Variants in GPHN observed in about 807,000 individuals in gnomAD.
GPHN encodes gephyrin.
In GPHN, 17 loss-of-function variants were observed where a neutral mutation model predicts 95.5. That is an observed-to-expected ratio of 0.18 (90% CI 0.12 to 0.27). The LOEUF (loss-of-function observed/expected upper bound fraction) is 0.27, where lower values mean the gene tolerates loss of function less well. GPHN is among the 10% of genes least tolerant of loss of function. GPHN has a pLI of 1.00. For synonymous variants in GPHN, 320 were observed against 322.5 expected, an observed-to-expected ratio of 0.99 and a Z score of 0.08; for missense variants, 660 against 978.1, an observed-to-expected ratio of 0.67 and a Z score of 4.34.
chr14:66,542,016 C>A (rs2059371182), intron 1 of GPHN, among the ~76,000 whole-genome samples: 1 of 152,106 alleles, frequency 6.6e-6, no homozygotes, highest in African/African-American at 2.4e-5. Flanking sequence ...TCTCTTCTGT[C>A]CAACTTAAAT....
intron 1 of GPHN, among the ~76,000 whole-genome samples, chr14:66,617,698 T>G (rs1362683900): frequency 6.6e-6 from 1 of 152,218 alleles, no homozygotes; most frequent in Non-Finnish European, 1.5e-5. Context: ...TTTTCCTAGG[T>G]CGCTGAGAGT....
chr14:66,815,708 A>G (rs1015875916), intron 3 of GPHN, among the ~76,000 whole-genome samples: 1 of 152,324 alleles, frequency 6.6e-6, no homozygotes, highest in South Asian at 2.1e-4. Context: ...CTACAAAAAC[A>G]CATTGAAGTC....
chr14:66,586,462 G>A (rs2061424760), intron 1 of GPHN, among the ~76,000 whole-genome samples: 1 of 152,138 alleles, frequency 6.6e-6, no homozygotes, highest in South Asian at 2.1e-4. Context: ...CTCGTTAGTT[G>A]ATGCAGTTTC....
intron 1 of GPHN, among the ~76,000 whole-genome samples, chr14:66,529,765 A>G (rs2058837295): frequency 3.3e-5 from 5 of 152,164 alleles, no homozygotes. Flanking sequence ...GGTCCACTCC[A>G]GACCCTCTTT....
At chr14:67,375,790 AGACT>A in the GPHN span, among the ~76,000 whole-genome samples, 1 of 152,206 alleles carries the variant, frequency 6.6e-6, no homozygotes, top group South Asian at 2.1e-4. Context: ...TTAGAAATAC[AGACT>A]CTCAGGTCCT....
At chr14:67,476,772 C>T in the GPHN span, among the ~76,000 whole-genome samples, 1 of 152,058 alleles carries the variant, frequency 6.6e-6, no homozygotes, top group East Asian at 1.9e-4. Context: ...GAACTCATCC[C>T]CTGCACATGA....
chr14:67,493,206 CTTGTTCT>C, the GPHN span, among the ~76,000 whole-genome samples: 1 of 152,136 alleles, frequency 6.6e-6, no homozygotes, highest in Non-Finnish European at 1.5e-5. Flanking sequence ...GTTTCAGTTC[CTTGTTCT>C]TTGTTCTATT....
chr14:66,538,447 G>GTTATTC (rs1381797540), intron 1 of GPHN, among the ~76,000 whole-genome samples: 1 of 151,290 alleles, frequency 6.6e-6, no homozygotes, highest in Non-Finnish European at 1.5e-5. Context: ...GTCTCATGTG[G>GTTATTC]TTATTCTGTC....
chr14:66,936,226 A>G (rs1386311989), intron 8 of GPHN, among the ~76,000 whole-genome samples: 1 of 151,972 alleles, frequency 6.6e-6, no homozygotes, highest in African/African-American at 2.4e-5. Context: ...TAAAAGTACA[A>G]AAATTAGCCA....
intron 3 of GPHN, among the ~76,000 whole-genome samples, chr14:66,818,509 G>A (rs1468533329): frequency 6.6e-6 from 1 of 152,114 alleles, no homozygotes; most frequent in Non-Finnish European, 1.5e-5. Flanking sequence ...TCATTGATGG[G>A]CATTTGGGTT....
chr14:67,574,947 G>A, the GPHN span, among the ~76,000 whole-genome samples: 9 of 152,194 alleles, frequency 5.9e-5, no homozygotes, highest in South Asian at 2.1e-4. The surrounding 1 kb of genome is among the most constrained non-coding windows in gnomAD (Gnocchi z 4.2). Flanking sequence ...TGGCAGGCTC[G>A]CTGTGTGGCT....
the GPHN span, among the ~76,000 whole-genome samples, chr14:67,707,435 T>C: frequency 6.6e-6 from 1 of 152,170 alleles, no homozygotes; most frequent in African/African-American, 2.4e-5. Flanking sequence ...CAAGAATATA[T>C]ATATATTTTT....
In GPHN at chr14:66,833,658, C is replaced by T. The variant is rs369714069; in HGVS notation, c.294+9092C>T. ...TTCTCTTTGGAGGTTGTTTTTATGC[C>T]CTGGTTAAAAAAAAAAAAAAAGTTC... On this transcript the variant is annotated intron_variant, in intron 4 of 22. Coordinates refer to ENST00000478722, the MANE Select transcript of GPHN (RefSeq NM_020806.5). Among the ~76,000 whole-genome samples the T allele has an allele frequency of 3.5e-3, 465 of 132,172 alleles. 11 individuals are homozygous for T. The highest frequency in any genetic ancestry group is 0.016 in the African/African-American group (441 of 27,778). 86.7% of individuals were successfully genotyped at this position (132,172 alleles called of 152,430 possible). A position where few individuals can be genotyped will look rare whatever the true frequency, so the allele number is the denominator to read the frequency against.
the GPHN span, among the ~76,000 whole-genome samples, chr14:67,442,407 T>C: frequency 4.6e-5 from 7 of 152,276 alleles, no homozygotes; most frequent in South Asian, 1.4e-3. Context: ...TTGTCTTGAG[T>C]TTTATCTATT....
downstream of GPHN, among the ~76,000 whole-genome samples, chr14:67,184,084 C>T (rs2083356192): frequency 6.6e-6 from 1 of 152,074 alleles, no homozygotes; most frequent in Non-Finnish European, 1.5e-5. Context: ...CTCAGCCTCC[C>T]ACAGTGCTGG....
chr14:67,505,554 T>G, the GPHN span, among the ~76,000 whole-genome samples: 1 of 152,116 alleles, frequency 6.6e-6, no homozygotes, highest in Non-Finnish European at 1.5e-5. Context: ...GTGGGCCACA[T>G]GCACTAATGT....
chr14:67,563,291 A>T, the GPHN span, among the ~76,000 whole-genome samples: 1 of 152,238 alleles, frequency 6.6e-6, no homozygotes, highest in Non-Finnish European at 1.5e-5. Flanking sequence ...TCTGTGCCTC[A>T]GCTTCCCTGT....
intron 10 of GPHN, among the ~76,000 whole-genome samples, chr14:67,030,136 A>G (rs1485244125): frequency 6.6e-6 from 1 of 151,718 alleles, no homozygotes; most frequent in Admixed American, 6.6e-5. Flanking sequence ...ACTCCAATCC[A>G]TATCTTCTTC....
chr14:67,632,808 ATTTTTTTTTT>A, the GPHN span, among the ~76,000 whole-genome samples: 37 of 62,416 alleles, frequency 5.9e-4, no homozygotes, highest in South Asian at 6.2e-3. Flanking sequence ...AAGCCTCTTA[ATTTTTTTTTT>A]TTTTTTTTTT....
Sources: allele counts gnomAD v4.1 joint callset (sites outside exome capture counted in the v4.1 genomes callset), GRCh38; gene constraint gnomAD v4.1.1; non-coding constraint Gnocchi (gnomAD v3.1); transcripts MANE v1.5; gene names NCBI Gene and HGNC (gene_info 2026-07-23, HGNC 2026-07-21).